TTC27: variants seen among roughly 807,000 people sequenced by gnomAD.
TTC27 encodes the protein tetratricopeptide repeat protein 27.
In TTC27, 79 loss-of-function variants were observed where a neutral mutation model predicts 115.9. That is an observed-to-expected ratio of 0.68 (90% confidence interval 0.57 to 0.82). TTC27 has a LOEUF of 0.82. TTC27 is among the 40% of genes least tolerant of loss of function. TTC27 has a pLI of 0.00. For missense variants in TTC27, 1,054 were observed against 993.1 expected (o/e 1.06, Z -0.82); for synonymous variants, 401 against 356.0 (o/e 1.13, Z -1.42).
intron 11 of TTC27, 128 bp from the exon 12 acceptor site, chr2:32,736,566 A>G (rs1668458123): frequency 6.0e-6 from 6 of 996,758 alleles, no homozygotes; most frequent in Admixed American, 5.3e-5. Context: ...AATAGTACAG[A>G]TTGTAGAATT....
intron 16 of TTC27, among the ~76,000 whole-genome samples, chr2:32,791,130 T>C (rs576594047): frequency 1.3e-5 from 2 of 152,370 alleles, no homozygotes; most frequent in East Asian, 3.9e-4. Context: ...CTGATTTTCA[T>C]GTTCCTACAT....
chr2:32,685,079 G>A (rs922475633), intron 9 of TTC27, among the ~76,000 whole-genome samples: 2 of 144,864 alleles, frequency 1.4e-5, no homozygotes, highest in African/African-American at 2.6e-5. Context: ...CCCCCAGGGT[G>A]GAGTGCAATG....
At chr2:32,719,524 T>G (rs890909870) in intron 10 of TTC27, among the ~76,000 whole-genome samples, 1 of 152,156 alleles carries the variant, frequency 6.6e-6, no homozygotes, top group South Asian at 2.1e-4. Flanking sequence ...CTTCTGCATG[T>G]GGTCATAAAG....
intron 10 of TTC27, among the ~76,000 whole-genome samples, chr2:32,704,534 C>G (rs1450131222): frequency 6.6e-6 from 1 of 152,122 alleles, no homozygotes; most frequent in African/African-American, 2.4e-5. Flanking sequence ...ATGTAAAAGT[C>G]ATAAGAACAG....
At chr2:32,753,932 G>A (rs1487529741) in intron 12 of TTC27, among the ~76,000 whole-genome samples, 1 of 151,990 alleles carries the variant, frequency 6.6e-6, no homozygotes, top group East Asian at 2.0e-4. Flanking sequence ...AAAATTAGCT[G>A]GGCATGGTGG....
Position 32,648,404 on chromosome 2 carries a change from A to G in TTC27, c.538-1727A>G, listed in dbSNP as rs147313880. On this transcript the variant is annotated intron_variant, in intron 4 of 19. Transcript: ENST00000317907. ...CTCGGCCTCCCATAGTGCTAGGACT[A>G]CAGGTGTGAACCACTGCACCTGGCA... is the stretch of plus-strand genomic sequence containing the variant. Among the ~76,000 whole-genome samples, 259 of 149,346 alleles carry G rather than the reference A, an allele frequency of 1.7e-3. 2 individuals are homozygous for G. The highest frequency in any genetic ancestry group is 5.8e-3 in the African/African-American group (236 of 40,538).
chr2:32,748,797 C>T (rs914007097), intron 12 of TTC27, among the ~76,000 whole-genome samples: 1 of 151,206 alleles, frequency 6.6e-6, no homozygotes, highest in African/African-American at 2.4e-5. Flanking sequence ...CAGTGATTCT[C>T]CTGCCTCAGC....
At chr2:32,803,386 A>G (rs1239857617) in intron 16 of TTC27, among the ~76,000 whole-genome samples, 1 of 152,152 alleles carries the variant, frequency 6.6e-6, no homozygotes, top group Non-Finnish European at 1.5e-5. Flanking sequence ...CAGTCTCTCC[A>G]TGCTGATGGT....
At chr2:32,654,846 C>T (rs1665259033) in intron 5 of TTC27, among the ~76,000 whole-genome samples, 1 of 151,932 alleles carries the variant, frequency 6.6e-6, no homozygotes, top group African/African-American at 2.4e-5. Context: ...CAGGTGCCCA[C>T]CACCATGCCT....
intron 10 of TTC27, among the ~76,000 whole-genome samples, chr2:32,713,532 T>C (rs1457334206): frequency 6.6e-6 from 1 of 152,202 alleles, no homozygotes; most frequent in Non-Finnish European, 1.5e-5. Flanking sequence ...TTAATTTAAG[T>C]CGTGAAGTTC....
intron 3 of TTC27, among the ~76,000 whole-genome samples, chr2:32,639,376 G>A (rs577709191): frequency 1.4e-4 from 22 of 152,214 alleles, no homozygotes; most frequent in Admixed American, 1.3e-3. Flanking sequence ...TACAACAGGA[G>A]AGTGCATTTT....
rs1318759123 is a variant in TTC27 at position 32,628,147 on chromosome 2, A to G, written c.-146A>G. On this transcript the variant is annotated 5_prime_UTR_variant, in exon 1 of 20. An upstream start codon of the reference 5' UTR is lost. Coordinates refer to ENST00000317907, the MANE Select transcript of TTC27 (RefSeq NM_017735.5). ...CGCCTCCTTGAGGTAGTATCCGCAC[A>G]TGGAATTCTAGGGCCGCAGGTGTAT... 9.6e-6 allele frequency: 7 copies of G among 730,034 alleles called. No homozygotes were observed. The highest frequency in any genetic ancestry group is 3.5e-5 in the South Asian group (2 of 57,322). The allele number at this position is 730,034 out of a possible 1,614,324, so 45.2% of individuals were successfully genotyped here. A position where few individuals can be genotyped will look rare whatever the true frequency, so the allele number is the denominator to read the frequency against.
chr2:32,682,844 GTTGTTTTTTTT>G (rs1414733809), intron 9 of TTC27, among the ~76,000 whole-genome samples: 8 of 56,982 alleles, frequency 1.4e-4, no homozygotes, highest in African/African-American at 2.3e-4. Context: ...AATTTTTATT[GTTGTTTTTTTT>G]TTTTTTTTTT....
At chr2:32,798,713 A>AAAAAATAATAAT (rs1368512271) in intron 16 of TTC27, among the ~76,000 whole-genome samples, 2 of 142,348 alleles carry the variant, frequency 1.4e-5, no homozygotes, top group African/African-American at 2.7e-5. Context: ...TCAAAAAAAA[A>AAAAAATAATAAT]AATAATAATA....
intron 16 of TTC27, among the ~76,000 whole-genome samples, chr2:32,788,507 T>A (rs150497700): frequency 6.6e-6 from 1 of 152,350 alleles, no homozygotes; most frequent in Non-Finnish European, 1.5e-5. Context: ...CTGTGTCATC[T>A]CTTTCTTAAT....
intron 14 of TTC27, among the ~76,000 whole-genome samples, chr2:32,781,219 A>G (rs1670165203): frequency 6.6e-6 from 1 of 152,222 alleles, no homozygotes; most frequent in Non-Finnish European, 1.5e-5. Context: ...GGATATTTTA[A>G]CAGCTTTAAT....
intron 3 of TTC27, 65 bp from the exon 4 acceptor site, chr2:32,640,205 A>G: frequency 6.9e-7 from 1 of 1,439,628 alleles, no homozygotes; most frequent in East Asian, 2.5e-5. Context: ...TTGTATTATT[A>G]CAAGACATAT....
At chr2:32,721,955 G>A (rs535170884) in intron 10 of TTC27, among the ~76,000 whole-genome samples, 1 of 152,188 alleles carries the variant, frequency 6.6e-6, no homozygotes, top group East Asian at 1.9e-4. Context: ...GGGGATGGCT[G>A]TCAAGCCTAC....
chr2:32,801,438 T>C (rs1452120271), intron 16 of TTC27, among the ~76,000 whole-genome samples: 1 of 152,166 alleles, frequency 6.6e-6, no homozygotes, highest in East Asian at 1.9e-4. Flanking sequence ...CATTTTCATC[T>C]CCTCTCTTCT....
Sources: gnomAD v4.1 joint callset for allele counts (sites outside exome capture counted in the v4.1 genomes callset) on GRCh38, gnomAD v4.1.1 for gene constraint, MANE v1.5 for transcripts, NCBI Gene and HGNC (gene_info 2026-07-23, HGNC 2026-07-21) for gene names.